Variants in LRRN4 observed in about 807,000 individuals in gnomAD.
LRRN4 encodes the protein leucine-rich repeat neuronal protein 4.
LRRN4 carries 26 observed loss-of-function variants against 22.3 expected under a neutral mutation model. The ratio of observed to expected loss-of-function variants is 1.16; its 90% CI spans 0.85 to 1.62. The LOEUF is 1.62. Ranked by LOEUF, LRRN4 falls within the 40% of genes most tolerant of loss-of-function variation. The probability of loss-of-function intolerance (pLI) is 0.00; values close to 1 mark genes in which losing one functional copy is unlikely to be tolerated. For missense variants in LRRN4, 1,070 were observed against 1,008.5 expected (o/e 1.06, Z -0.83); for synonymous variants, 496 against 486.2 (o/e 1.02, Z -0.26).
chr20:6,044,688 A>G lies in LRRN4; in HGVS notation c.861-8T>C. The G allele has an allele frequency of 2.0e-6, 3 of 1,518,006 alleles. No individual in the cohort carries two copies. Among genetic ancestry groups the G allele is most frequent in the Non-Finnish European group, 2.6e-6 (3 of 1,132,248 alleles). The allele number at this position is 1,518,006 out of a possible 1,614,324, so 94.0% of individuals were successfully genotyped here. On this transcript the variant is annotated splice_region_variant and splice_polypyrimidine_tract_variant and intron_variant, in intron 3 of 4. Coordinates refer to ENST00000378858, the MANE Select transcript of LRRN4 (RefSeq NM_152611.5). ...AAGGAACTCAAGTTGCAGCTGAAAT[A>G]CAAACAAAAAAATTAATTAAGTCAG...
chr20:6,051,374 C>T (rs960892500), intron 2 of LRRN4, among the ~76,000 whole-genome samples: 8 of 152,180 alleles, frequency 5.3e-5, no homozygotes, highest in African/African-American at 1.9e-4. Context: ...TGGGGAACTT[C>T]TGCGGAACGT....
At position 6,041,572 on chromosome 20, in the gene LRRN4, G is replaced by C; in HGVS notation, c.1673C>G (p.Pro558Arg). 1 of 1,557,280 alleles carries C rather than the reference G, an allele frequency of 6.4e-7. No individual in the cohort carries two copies. Among genetic ancestry groups the C allele is most frequent in the Middle Eastern group, 1.7e-4 (1 of 5,770 alleles). The change falls in exon 5 of 5, where the codon CCG (proline) becomes CGG (arginine). Residue 558 changes from proline to arginine, a missense_variant. By Grantham distance (103) the Pro-to-Arg change is moderately radical. Transcript: ENST00000378858. The surrounding 1 kb of genome is among the most constrained non-coding windows in gnomAD (Gnocchi z 9.4). ...CCACCGCCTCTGCAGCTCCGCGCAC[G>C]GGGTCTGCAGGTGCTTGCAGGGATG... ...DYHPCKHLQTPCAELQRRWRC... is the reference protein window; with the variant it reads ...DYHPCKHLQTRCAELQRRWRC...
chr20:6,052,065 C>G, intron 2 of LRRN4, 80 bp downstream of exon 2: 2 of 1,472,940 alleles, frequency 1.4e-6, no homozygotes, highest in Non-Finnish European at 1.8e-6. Flanking sequence ...CGAGGAAGAA[C>G]GCAGCCCTGC....
intron 3 of LRRN4, among the ~76,000 whole-genome samples, chr20:6,045,914 A>G (rs1040565): frequency 0.64 from 95,200 of 147,958 alleles, 33,519 homozygotes; most frequent in Middle Eastern, 0.77. Flanking sequence ...CCAGTGCTCA[A>G]TTGCTTTCTA....
rs141026955 is a variant in LRRN4 at position 6,049,164 on chromosome 20, G to A, written c.860+1615C>T. Among the ~76,000 whole-genome samples, 293 of 152,284 alleles carry A rather than the reference G, an allele frequency of 1.9e-3. 2 individuals are homozygous for A. The highest frequency in any genetic ancestry group is 6.4e-3 in the African/African-American group (267 of 41,542). On this transcript the variant is annotated intron_variant, in intron 3 of 4. Coordinates refer to ENST00000378858, the MANE Select transcript of LRRN4 (RefSeq NM_152611.5). ...TGGGCCTGGATGGCCTTTCTCTTCTGACATTCACCCGGTGAGCTTGGACTT... is the reference window on the plus strand; with the variant it reads ...TGGGCCTGGATGGCCTTTCTCTTCTAACATTCACCCGGTGAGCTTGGACTT...
In LRRN4 at chr20:6,040,567, A is replaced by AC. The variant is rs1980891818; in HGVS notation, c.*454_*455insG. ...GAAATCCACTGGAATTGATTTCTTGAATAACAGAGCTCGTTGTGTCTTAGA... is the reference window on the plus strand; with the variant it reads ...GAAATCCACTGGAATTGATTTCTTGACATAACAGAGCTCGTTGTGTCTTAGA... On this transcript the variant is annotated 3_prime_UTR_variant, in exon 5 of 5. Coordinates refer to ENST00000378858, the MANE Select transcript of LRRN4 (RefSeq NM_152611.5). 6.6e-6 allele frequency among the ~76,000 whole-genome samples: 1 copy of AC among 152,224 alleles called. No individual in the cohort carries two copies. Among genetic ancestry groups the AC allele is most frequent in the African/African-American group, 2.4e-5 (1 of 41,450 alleles).
At chr20:6,044,366 G>C (rs1981051347) in intron 4 of LRRN4, among the ~76,000 whole-genome samples, 177 bp downstream of exon 4, 1 of 152,188 alleles carries the variant, frequency 6.6e-6, no homozygotes. Flanking sequence ...CTGGCTGGCT[G>C]GAATGGAGGC....
At position 6,041,253 on chromosome 20, in the gene LRRN4, A is replaced by T; in HGVS notation, c.1992T>A (p.Ser664=). ...ANRAGLSQPR[S]SGWRSPCAAF... The stretch of plus-strand genomic sequence containing the variant: ...CGGCGCACGGGCTCCTCCAGCCCGA[A>T]GACCGTGGCTGGCTCAAGCCCGCCC... Residue 664 remains serine (S), a synonymous_variant, in exon 5 of 5, where the codon TCT becomes TCA. Coordinates refer to ENST00000378858, the MANE Select transcript of LRRN4 (RefSeq NM_152611.5). This position sits in a 1 kb window ranked among gnomAD's most constrained non-coding sequence, Gnocchi z 9.4. 6.3e-7 allele frequency: 1 copy of T among 1,584,640 alleles called. No individual in the cohort carries two copies. The highest frequency in any genetic ancestry group is 8.6e-7 in the Non-Finnish European group (1 of 1,166,284).
intron 2 of LRRN4, among the ~76,000 whole-genome samples, chr20:6,051,367 G>A (rs1981241543): frequency 6.6e-6 from 1 of 152,168 alleles, no homozygotes; most frequent in African/African-American, 2.4e-5. Context: ...TCAAGTGTGG[G>A]GAACTTCTGC....
At chr20:6,045,835 C>T (rs1308165226) in intron 3 of LRRN4, among the ~76,000 whole-genome samples, 1 of 149,106 alleles carries the variant, frequency 6.7e-6, no homozygotes, top group African/African-American at 2.4e-5. Flanking sequence ...TCTGTCATCA[C>T]CCAGGAGGCT....
rs752042519 is a variant in LRRN4 at position 6,052,668 on chromosome 20, G to A, written c.132C>T (p.Thr44=). The part of the protein sequence containing the change: ...GPWGSSGSNA[T]DSPCEGLPAA... ...CGGGCAGCCCCTCGCAGGGCGAGTC[G>A]GTGGCGTTGCTGCCACTGCTCCCCC... Residue 44 remains threonine (T), a synonymous_variant, in exon 2 of 5, where the codon ACC becomes ACT. Transcript: ENST00000378858. 5.7e-6 allele frequency: 9 copies of A among 1,579,562 alleles called. No homozygotes were observed. The highest frequency in any genetic ancestry group is 1.7e-4 in the Middle Eastern group (1 of 6,018).
Position 6,051,024 on chromosome 20 carries a change from A to T in LRRN4, c.656-41T>A, listed in dbSNP as rs549833945. The T allele has an allele frequency of 6.3e-6, 10 of 1,586,842 alleles. No homozygotes were observed. In the South Asian group the frequency reaches 6.7e-5, roughly 11 times the overall value. On this transcript the variant is annotated intron_variant, in intron 2 of 4. Transcript: ENST00000378858. ...GAAACTGCCAACTACTCCAGAACGC[A>T]CAAACCCAGGAGGCCAGCACGGCAT...
chr20:6,040,969 TC>T lies in LRRN4; in HGVS notation c.*52del. The T allele has an allele frequency of 6.2e-7, 1 of 1,603,752 alleles. No individual in the cohort carries two copies. The highest frequency in any genetic ancestry group is 1.1e-5 in the South Asian group (1 of 89,442). ...GGGTCGTTTTTGACCGTCTGTGTCTTCCTTTTTGCGCTCAGATCCAGTTCGA... is the reference window on the plus strand; with the variant it reads ...GGGTCGTTTTTGACCGTCTGTGTCTTCTTTTTGCGCTCAGATCCAGTTCGA... On this transcript the variant is annotated 3_prime_UTR_variant, in exon 5 of 5. Transcript: ENST00000378858.
intron 2 of LRRN4, among the ~76,000 whole-genome samples, chr20:6,051,750 G>T (rs1252629874): frequency 1.3e-5 from 2 of 152,190 alleles, no homozygotes; most frequent in Non-Finnish European, 2.9e-5. Context: ...CAGCCCCAAA[G>T]CATGCACTCA....
At chr20:6,047,417 GACACACAT>G (rs779259206) in intron 3 of LRRN4, among the ~76,000 whole-genome samples, 23 of 134,836 alleles carry the variant, frequency 1.7e-4, no homozygotes, top group Non-Finnish European at 2.8e-4. Flanking sequence ...TAAAGAAGCA[GACACACAT>G]ACACACACAC....
chr20:6,048,283 C>A (rs1363821403), intron 3 of LRRN4, among the ~76,000 whole-genome samples: 1 of 152,172 alleles, frequency 6.6e-6, no homozygotes, highest in Non-Finnish European at 1.5e-5. Context: ...TCTTCTTCAT[C>A]CCGATGTTAA....
intron 4 of LRRN4, 98 bp from the exon 5 acceptor site, chr20:6,042,344 C>A: frequency 7.2e-7 from 1 of 1,392,862 alleles, no homozygotes; most frequent in Non-Finnish European, 9.5e-7. Flanking sequence ...CCTGCCAAGC[C>A]CATCAACGCG....
At chr20:6,049,153 C>T (rs969683643) in intron 3 of LRRN4, among the ~76,000 whole-genome samples, 7 of 152,170 alleles carry the variant, frequency 4.6e-5, no homozygotes, top group Non-Finnish European at 1.0e-4. Flanking sequence ...CCTGGATGGC[C>T]TTTCTCTTCT....
In LRRN4 at chr20:6,041,852, G is replaced by A; in HGVS notation, c.1393C>T (p.Leu465Phe). Residue 465 changes from leucine to phenylalanine, a missense_variant, in exon 5 of 5, where the codon CTT becomes TTT. Leu to Phe is a conservative substitution (Grantham distance 22). Coordinates refer to ENST00000378858, the MANE Select transcript of LRRN4 (RefSeq NM_152611.5). This position sits in a 1 kb window ranked among gnomAD's most constrained non-coding sequence, Gnocchi z 9.4. The stretch of plus-strand genomic sequence containing the variant: ...GCTGAGATATCAGGCTCAAGGACAA[G>A]CTCGGGGGCATGTTCTCCTCGGTGC... ...TQHRGEHAPELVLEPDISAAS... is the reference protein window; with the variant it reads ...TQHRGEHAPEFVLEPDISAAS... 6.2e-7 allele frequency: 1 copy of A among 1,614,208 alleles called. No individual in the cohort carries two copies. The highest frequency in any genetic ancestry group is 8.5e-7 in the Non-Finnish European group (1 of 1,180,036).
Sources: allele counts gnomAD v4.1 joint callset (sites outside exome capture counted in the v4.1 genomes callset), GRCh38; gene constraint gnomAD v4.1.1; non-coding constraint Gnocchi (gnomAD v3.1); transcripts MANE v1.5; gene names NCBI Gene and HGNC (gene_info 2026-07-23, HGNC 2026-07-21).